PTPRM: variants seen among roughly 807,000 people sequenced by gnomAD.
PTPRM encodes receptor-type tyrosine-protein phosphatase mu.
A neutral mutation model predicts 186.7 loss-of-function variants in PTPRM; 47 were observed. The ratio of observed to expected loss-of-function variants is 0.25; its 90% CI spans 0.20 to 0.32. The LOEUF (loss-of-function observed/expected upper bound fraction) is 0.32, where lower values mean the gene tolerates loss of function less well. Among genes scored for constraint, PTPRM ranks in the 10% least tolerant of loss-of-function variants. PTPRM has a pLI of 1.00. For synonymous variants in PTPRM, 668 were observed against 674.9 expected (o/e 0.99, Z 0.16); for missense variants, 1,494 against 1,865.0 (o/e 0.80, Z 3.66).
intron 13 of PTPRM, among the ~76,000 whole-genome samples, chr18:8,126,962 C>T (rs1185548467): frequency 1.3e-5 from 2 of 151,872 alleles, no homozygotes; most frequent in African/African-American, 2.4e-5. Context: ...CAACTGTGAC[C>T]GTGTACCTTA....
At chr18:8,053,579 A>G (rs1196607577) in intron 7 of PTPRM, among the ~76,000 whole-genome samples, 1 of 152,172 alleles carries the variant, frequency 6.6e-6, no homozygotes, top group Non-Finnish European at 1.5e-5. Flanking sequence ...AACTCTTGGC[A>G]TCTGATAGAA....
intron 1 of PTPRM, among the ~76,000 whole-genome samples, chr18:7,710,712 A>G (rs1284732561): frequency 1.3e-5 from 2 of 152,242 alleles, no homozygotes; most frequent in African/African-American, 2.4e-5. Context: ...GGATACAAAA[A>G]TCAGTGTACA....
At chr18:8,203,310 C>T (rs765661149) in intron 14 of PTPRM, among the ~76,000 whole-genome samples, 5 of 152,124 alleles carry the variant, frequency 3.3e-5, no homozygotes, top group African/African-American at 1.2e-4. Context: ...CAAACTACTA[C>T]GGACTGAATT....
At chr18:8,164,682 C>T (rs1255012638) in intron 14 of PTPRM, among the ~76,000 whole-genome samples, 1 of 152,028 alleles carries the variant, frequency 6.6e-6, no homozygotes, top group African/African-American at 2.4e-5. Flanking sequence ...ATGGTAGCTG[C>T]CAGGGGCTTG....
In PTPRM at chr18:7,758,003, G is replaced by A. The variant is rs570321547; in HGVS notation, c.74-16146G>A. Among the ~76,000 whole-genome samples the A allele has an allele frequency of 6.6e-5, 10 of 152,248 alleles. No homozygotes were observed. In the East Asian group the frequency reaches 1.7e-3, roughly 26 times the overall value. On this transcript the variant is annotated intron_variant, in intron 1 of 32. Coordinates refer to ENST00000580170, the MANE Select transcript of PTPRM (RefSeq NM_001105244.2). The stretch of plus-strand genomic sequence containing the variant: ...GAGGTGCTTACCTGCCCATCAACCA[G>A]TGGCATAATCACGGGGGACACATCC...
At chr18:8,142,184 T>A (rs542601282) in intron 13 of PTPRM, among the ~76,000 whole-genome samples, 2 of 152,238 alleles carry the variant, frequency 1.3e-5, no homozygotes, top group Non-Finnish European at 2.9e-5. Context: ...AGAAATAAAA[T>A]TGACCTGTAG....
At chr18:7,805,535 C>T (rs1350288236) in intron 2 of PTPRM, among the ~76,000 whole-genome samples, 1 of 152,168 alleles carries the variant, frequency 6.6e-6, no homozygotes. Flanking sequence ...GCTTTATATT[C>T]CCACTCCTTC....
intron 2 of PTPRM, among the ~76,000 whole-genome samples, chr18:7,786,106 A>G (rs1283221853): frequency 6.6e-6 from 1 of 152,212 alleles, no homozygotes; most frequent in African/African-American, 2.4e-5. Context: ...GTGGACTTTA[A>G]TGCATAGTTA....
chr18:7,830,315 T>A (rs1040571775), intron 2 of PTPRM, among the ~76,000 whole-genome samples: 1 of 152,164 alleles, frequency 6.6e-6, no homozygotes, highest in African/African-American at 2.4e-5. Context: ...GAGGTAAGAA[T>A]GTGACTTAGA....
intron 14 of PTPRM, among the ~76,000 whole-genome samples, chr18:8,170,202 C>G (rs759379316): frequency 6.6e-6 from 1 of 152,102 alleles, no homozygotes; most frequent in Non-Finnish European, 1.5e-5. Flanking sequence ...AAGGACCACA[C>G]GATGAATTTG....
At chr18:7,574,211 G>A (rs954463975) in intron 1 of PTPRM, among the ~76,000 whole-genome samples, 4 of 152,194 alleles carry the variant, frequency 2.6e-5, no homozygotes, top group Non-Finnish European at 5.9e-5. Context: ...CCAACATGGT[G>A]ATGTGATCGT....
At chr18:7,613,152 T>C (rs2037718900) in intron 1 of PTPRM, among the ~76,000 whole-genome samples, 2 of 152,154 alleles carry the variant, frequency 1.3e-5, no homozygotes, top group African/African-American at 2.4e-5. Context: ...ATTGGAGGGC[T>C]CTCAAACTTG....
At chr18:7,579,846 G>A (rs1386326303) in intron 1 of PTPRM, among the ~76,000 whole-genome samples, 1 of 152,202 alleles carries the variant, frequency 6.6e-6, no homozygotes, top group Admixed American at 6.5e-5. Flanking sequence ...GTTGTGGAAT[G>A]ATTTGTCTTA....
At chr18:8,297,621 A>T (rs2095110901) in intron 20 of PTPRM, among the ~76,000 whole-genome samples, 1 of 152,208 alleles carries the variant, frequency 6.6e-6, no homozygotes, top group African/African-American at 2.4e-5. Flanking sequence ...TGAATTTTAA[A>T]TTGTATTTAA....
intron 1 of PTPRM, among the ~76,000 whole-genome samples, chr18:7,652,296 CT>C (rs1474709737): frequency 6.6e-6 from 1 of 152,138 alleles, no homozygotes; most frequent in African/African-American, 2.4e-5. Flanking sequence ...CACTTTTACA[CT>C]GTTGGTGGGA....
At chr18:7,849,681 G>T (rs1015033799) in intron 2 of PTPRM, among the ~76,000 whole-genome samples, 1 of 152,162 alleles carries the variant, frequency 6.6e-6, no homozygotes, top group Admixed American at 6.5e-5. Flanking sequence ...ATAATAAGGA[G>T]CTGTTGAAAA....
At chr18:7,968,115 A>G (rs1345985841) in intron 7 of PTPRM, among the ~76,000 whole-genome samples, 3 of 107,752 alleles carry the variant, frequency 2.8e-5, no homozygotes, top group Non-Finnish European at 5.7e-5. Context: ...CTCTCGGCAG[A>G]AACCCTACAA....
At chr18:7,983,584 T>A (rs569716524) in intron 7 of PTPRM, among the ~76,000 whole-genome samples, 2 of 152,228 alleles carry the variant, frequency 1.3e-5, no homozygotes, top group South Asian at 4.1e-4. Context: ...AAATCTTACC[T>A]TTTTTTCTCT....
At chr18:7,706,996 A>G (rs2040108751) in intron 1 of PTPRM, among the ~76,000 whole-genome samples, 3 of 152,138 alleles carry the variant, frequency 2.0e-5, no homozygotes, top group Non-Finnish European at 4.4e-5. Flanking sequence ...GACATGAAAC[A>G]AATACAAACA....
Sources: allele counts gnomAD v4.1 joint callset (sites outside exome capture counted in the v4.1 genomes callset), GRCh38; gene constraint gnomAD v4.1.1; transcripts MANE v1.5; gene names NCBI Gene and HGNC (gene_info 2026-07-23, HGNC 2026-07-21).